Variants in SEPTIN9 observed in about 807,000 individuals in gnomAD.
The protein encoded by SEPTIN9 is septin-9.
In SEPTIN9, 13 loss-of-function variants were observed where a neutral mutation model predicts 56.6. That is an observed-to-expected ratio of 0.23 (90% confidence interval 0.15 to 0.37). SEPTIN9 has a LOEUF of 0.37. SEPTIN9 is among the 10% of genes least tolerant of loss of function. The probability of loss-of-function intolerance (pLI) is 1.00; values close to 1 mark genes in which losing one functional copy is unlikely to be tolerated. For synonymous variants in SEPTIN9, 332 were observed against 334.1 expected (o/e 0.99, Z 0.07); for missense variants, 650 against 823.1 (o/e 0.79, Z 2.57).
chr17:77,301,033 G>A (rs547257783), intron 1 of SEPTIN9, among the ~76,000 whole-genome samples: 58 of 48,136 alleles, frequency 1.2e-3, no homozygotes, highest in Non-Finnish European at 1.6e-3. Context: ...AGCTCAAACC[G>A]CCCTATCCCA....
At position 77,445,963 on chromosome 17, in the gene SEPTIN9, C is replaced by G. The variant is rs544822824; in HGVS notation, c.722-36181C>G. On this transcript the variant is annotated intron_variant, in intron 3 of 11. Coordinates refer to ENST00000427177, the MANE Select transcript of SEPTIN9 (RefSeq NM_001113491.2). This position sits in a 1 kb window ranked among gnomAD's most constrained non-coding sequence, Gnocchi z 4.7. ...AAGTTCACTATCTCAAGAGCAGCAG[C>G]CTTGGAAAATCCAACACAGAACCCC... The G allele has an allele frequency of 2.4e-4, 40 of 170,014 alleles. No homozygotes were observed. The South Asian group carries it at 2.6e-3, about 11-fold the overall frequency. The allele number at this position is 170,014 out of a possible 1,614,324, so 10.5% of individuals were successfully genotyped here.
intron 3 of SEPTIN9, among the ~76,000 whole-genome samples, chr17:77,478,340 A>G (rs2039308156): frequency 6.6e-6 from 1 of 152,210 alleles, no homozygotes. Flanking sequence ...AAAAACGAAA[A>G]CTAGAACCAC....
intron 2 of SEPTIN9, among the ~76,000 whole-genome samples, chr17:77,356,509 C>T (rs2034244914): frequency 6.6e-6 from 1 of 151,148 alleles, no homozygotes; most frequent in South Asian, 2.1e-4. Context: ...GGGGGAGCGA[C>T]CTTGAAGGTA....
intron 3 of SEPTIN9, among the ~76,000 whole-genome samples, chr17:77,406,579 G>C (rs2036082966): frequency 6.6e-6 from 1 of 152,008 alleles, no homozygotes; most frequent in Admixed American, 6.5e-5. Context: ...ATCCATGCTT[G>C]AGGTTTTGCT....
intron 3 of SEPTIN9, among the ~76,000 whole-genome samples, chr17:77,478,029 G>A (rs1465180029): frequency 6.6e-6 from 1 of 151,988 alleles, no homozygotes. Flanking sequence ...GGTCACAGGT[G>A]TTAACCGCAT....
chr17:77,376,101 G>A, intron 2 of SEPTIN9: 1 of 986,298 alleles, frequency 1.0e-6, no homozygotes, highest in Non-Finnish European at 1.2e-6. Flanking sequence ...GGAGGAGGCG[G>A]ACCTTGAGGG....
rs907206376 is a variant in SEPTIN9, at chr17:77,330,332, G to A, written c.76+23135G>A. Among the ~76,000 whole-genome samples the A allele has an allele frequency of 6.6e-6, 1 of 152,216 alleles. No homozygotes were observed. The highest frequency in any genetic ancestry group is 2.4e-5 in the African/African-American group (1 of 41,454). The stretch of plus-strand genomic sequence containing the variant: ...GCCGGGAGCCAGCTCCAATTCACGT[G>A]CTGGCTGTGGCCCTCAAGGTGTGGA... On this transcript the variant is annotated intron_variant, in intron 2 of 11. Transcript: ENST00000427177. This position sits in a 1 kb window ranked among gnomAD's most constrained non-coding sequence, Gnocchi z 4.4.
At chr17:77,422,251 A>T (rs1463316155) in intron 3 of SEPTIN9, among the ~76,000 whole-genome samples, 1 of 151,932 alleles carries the variant, frequency 6.6e-6, no homozygotes, top group Non-Finnish European at 1.5e-5. Flanking sequence ...TCTGTCCTGT[A>T]CCTCCTGGGC....
At position 77,402,851 on chromosome 17, in the gene SEPTIN9, G is replaced by A. The variant is rs1056851390; in HGVS notation, c.721+148G>A. On this transcript the variant is annotated intron_variant, in intron 3 of 11. Coordinates refer to ENST00000427177, the MANE Select transcript of SEPTIN9 (RefSeq NM_001113491.2). The surrounding 1 kb of genome is among the most constrained non-coding windows in gnomAD (Gnocchi z 6.6). ...GAAAGACCGGAATGCATGGGGGTGG[G>A]GGTCTGCAAGCTCAGGAGAGGTGGC... 2.5e-5 allele frequency: 19 copies of A among 760,788 alleles called. No individual in the cohort carries two copies. The highest frequency in any genetic ancestry group is 3.5e-5 in the African/African-American group (2 of 56,908). 47.1% of individuals were successfully genotyped at this position (760,788 alleles called of 1,614,324 possible).
chr17:77,318,342 G>T lies in SEPTIN9; in HGVS notation c.76+11145G>T, dbSNP rs1056125545. Among the ~76,000 whole-genome samples, 1 of 151,982 alleles carries T rather than the reference G, an allele frequency of 6.6e-6. No homozygotes were observed. Among genetic ancestry groups the T allele is most frequent in the Non-Finnish European group, 1.5e-5 (1 of 67,984 alleles). On this transcript the variant is annotated intron_variant, in intron 2 of 11. Transcript: ENST00000427177. This position sits in a 1 kb window ranked among gnomAD's most constrained non-coding sequence, Gnocchi z 4.9. ...CTGTGTCAAATCTCCCTCTGCCCCC[G>T]TCTTGTATGAGCACCGAGACTGCCT... is the stretch of plus-strand genomic sequence containing the variant.
chr17:77,454,045 C>T lies in SEPTIN9; in HGVS notation c.722-28099C>T, dbSNP rs927979402. On this transcript the variant is annotated intron_variant, in intron 3 of 11. Transcript: ENST00000427177. Reference sequence around the variant, plus strand: ...GATGTTTAGGGCTTCCGCCCTCTCTCCCTGGCCGGGAGTGTGGGAAGAGGG... The same window carrying T: ...GATGTTTAGGGCTTCCGCCCTCTCTTCCTGGCCGGGAGTGTGGGAAGAGGG... 5.2e-6 allele frequency: 5 copies of T among 956,678 alleles called. No homozygotes were observed. In the African/African-American group the frequency reaches 8.8e-5, roughly 17 times the overall value. 59.3% of individuals were successfully genotyped at this position (956,678 alleles called of 1,614,324 possible). A position where few individuals can be genotyped will look rare whatever the true frequency, so the allele number is the denominator to read the frequency against.
In SEPTIN9 at chr17:77,326,833, A is replaced by G. The variant is rs564060436; in HGVS notation, c.76+19636A>G. On this transcript the variant is annotated intron_variant, in intron 2 of 11. Coordinates refer to ENST00000427177, the MANE Select transcript of SEPTIN9 (RefSeq NM_001113491.2). The surrounding 1 kb of genome is among the most constrained non-coding windows in gnomAD (Gnocchi z 5.1). ...AAGGTTAAGCAGATCATCAGCGGCC[A>G]ATGATTGAATCAATCATGCCTTCGT... 6.6e-6 allele frequency among the ~76,000 whole-genome samples: 1 copy of G among 152,192 alleles called. No homozygotes were observed. The highest frequency in any genetic ancestry group is 1.9e-4 in the East Asian group (1 of 5,162).
chr17:77,467,058 C>T (rs936014250), intron 3 of SEPTIN9, among the ~76,000 whole-genome samples: 4 of 152,200 alleles, frequency 2.6e-5, no homozygotes, highest in East Asian at 1.9e-4. Context: ...TCCGCTCTGC[C>T]GGTTCCCGAA....
intron 2 of SEPTIN9, among the ~76,000 whole-genome samples, chr17:77,363,501 C>A (rs2034484315): frequency 6.7e-6 from 1 of 148,882 alleles, no homozygotes. Context: ...AATCCTCCTG[C>A]CTCAGCCTCC....
chr17:77,479,522 C>G (rs2039362597), intron 3 of SEPTIN9, among the ~76,000 whole-genome samples: 1 of 152,276 alleles, frequency 6.6e-6, no homozygotes, highest in African/African-American at 2.4e-5. Context: ...GAAGGCAAGC[C>G]ACTGCCCTAC....
At chr17:77,366,470 A>T (rs569390770) in intron 2 of SEPTIN9, among the ~76,000 whole-genome samples, 2 of 152,156 alleles carry the variant, frequency 1.3e-5, no homozygotes, top group Non-Finnish European at 2.9e-5. Flanking sequence ...AGGCATCTGA[A>T]TTTACTAATC....
chr17:77,408,499 C>G (rs375836354), intron 3 of SEPTIN9, among the ~76,000 whole-genome samples: 1 of 152,178 alleles, frequency 6.6e-6, no homozygotes, highest in African/African-American at 2.4e-5. Context: ...TGGTCCGCAC[C>G]GGGCCGTGTG....
intron 2 of SEPTIN9, among the ~76,000 whole-genome samples, chr17:77,347,291 T>C (rs2033921043): frequency 6.6e-6 from 1 of 151,316 alleles, no homozygotes; most frequent in African/African-American, 2.4e-5. Flanking sequence ...GGCAGGAGAA[T>C]CGCTTGAACC....
At position 77,389,163 on chromosome 17, in the gene SEPTIN9, G is replaced by A. The variant is rs1051540132; in HGVS notation, c.77-12896G>A. ...CTTGCTGGCTCCTCGCAGGGAGCTG[G>A]GATGCATTTCTAAGAGCAGCATGCG... On this transcript the variant is annotated intron_variant, in intron 2 of 11. Coordinates refer to ENST00000427177, the MANE Select transcript of SEPTIN9 (RefSeq NM_001113491.2). The surrounding 1 kb of genome is among the most constrained non-coding windows in gnomAD (Gnocchi z 4.3). Among the ~76,000 whole-genome samples the A allele has an allele frequency of 6.6e-6, 1 of 152,174 alleles. No individual in the cohort carries two copies. Among genetic ancestry groups the A allele is most frequent in the Non-Finnish European group, 1.5e-5 (1 of 68,026 alleles).
Sources: allele counts gnomAD v4.1 joint callset (sites outside exome capture counted in the v4.1 genomes callset), GRCh38; gene constraint gnomAD v4.1.1; non-coding constraint Gnocchi (gnomAD v3.1); transcripts MANE v1.5; gene names NCBI Gene and HGNC (gene_info 2026-07-23, HGNC 2026-07-21).